B4GALNT2: variants seen among roughly 807,000 people sequenced by gnomAD.
The protein encoded by B4GALNT2 is beta-1,4-N-acetyl-galactosaminyltransferase 2 (SID blood group).
A neutral mutation model predicts 51.1 loss-of-function variants in B4GALNT2; 42 were observed. The observed-to-expected ratio is 0.82, with a 90% confidence interval of 0.64 to 1.06. The LOEUF is 1.06. Ranked by LOEUF, B4GALNT2 falls within the 50% of genes least tolerant of loss-of-function variation. B4GALNT2 has a pLI of 0.00. For missense variants in B4GALNT2, 602 were observed against 633.6 expected (o/e 0.95, Z 0.54); for synonymous variants, 253 against 251.7 (o/e 1.01, Z -0.05).
rs1294943736 is a variant in B4GALNT2 at position 49,169,984 on chromosome 17, T to G, written c.*256T>G. 2.7e-6 allele frequency: 1 copy of G among 369,440 alleles called. No homozygotes were observed. The highest frequency in any genetic ancestry group is 4.8e-6 in the Non-Finnish European group (1 of 206,192). The allele number at this position is 369,440 out of a possible 1,614,324, so 22.9% of individuals were successfully genotyped here. A position where few individuals can be genotyped will look rare whatever the true frequency, so the allele number is the denominator to read the frequency against. On this transcript the variant is annotated 3_prime_UTR_variant, in exon 11 of 11. Coordinates refer to ENST00000393354, the MANE Select transcript of B4GALNT2 (RefSeq NM_001159387.2). ...CAATGCCCTGCCTTTTTTGAAGCAT[T>G]TGCATGGGCAGTATCTCACATCATC...
chr17:49,154,713 T>A (rs149450516), intron 4 of B4GALNT2, among the ~76,000 whole-genome samples: 72 of 151,938 alleles, frequency 4.7e-4, no homozygotes, highest in African/African-American at 1.5e-3. Context: ...ACAGGTGAGA[T>A]GAGAATGACT....
At position 49,168,610 on chromosome 17, in the gene B4GALNT2, G is replaced by A. The variant is rs7218644; in HGVS notation, c.1096-71G>A. 2.7e-3 allele frequency: 3,826 copies of A among 1,401,394 alleles called. 77 individuals are homozygous for A. In the African/African-American group the frequency reaches 0.048, roughly 18 times the overall value. The allele number at this position is 1,401,394 out of a possible 1,614,324, so 86.8% of individuals were successfully genotyped here. A position where few individuals can be genotyped will look rare whatever the true frequency, so the allele number is the denominator to read the frequency against. On this transcript the variant is annotated intron_variant, in intron 9 of 10. Coordinates refer to ENST00000393354, the MANE Select transcript of B4GALNT2 (RefSeq NM_001159387.2). The stretch of plus-strand genomic sequence containing the variant: ...TGTTATAACCGAGGTGCAGTCCAGC[G>A]AGTCTTCCTGGAAGAGGCAGGATGA...
chr17:49,139,690 A>AT (rs975834875), intron 1 of B4GALNT2, among the ~76,000 whole-genome samples: 1 of 151,876 alleles, frequency 6.6e-6, no homozygotes, highest in Admixed American at 6.6e-5. Flanking sequence ...CTATTTTTCA[A>AT]TTTTTTGTAG....
rs546957088 is a variant in B4GALNT2, at chr17:49,141,634, AG to A, written c.215+188del. ...GTACGATCCAGTCTATGTTCTCTAT[AG>A]CATCCAGCAAAATCCCTTAAAACTT... On this transcript the variant is annotated intron_variant, in intron 2 of 10. Coordinates refer to ENST00000393354, the MANE Select transcript of B4GALNT2 (RefSeq NM_001159387.2). Among the ~76,000 whole-genome samples, 439 of 152,342 alleles carry A rather than the reference AG, an allele frequency of 2.9e-3. 3 individuals carry two copies. Among genetic ancestry groups the A allele is most frequent in the African/African-American group, 0.01 (420 of 41,584 alleles).
Position 49,156,583 on chromosome 17 carries a change from C to A in B4GALNT2, c.478C>A (p.Pro160Thr). 6.2e-7 allele frequency: 1 copy of A among 1,613,780 alleles called. No individual in the cohort carries two copies. Among genetic ancestry groups the A allele is most frequent in the East Asian group, 2.2e-5 (1 of 44,868 alleles). Residue 160 changes from proline (P) to threonine (T), a missense_variant, in exon 5 of 11, where the codon CCC (proline) becomes ACC (threonine). By Grantham distance (38) the Pro-to-Thr change is conservative. Coordinates refer to ENST00000393354, the MANE Select transcript of B4GALNT2 (RefSeq NM_001159387.2). ...VPIPGLQFEG[P>T]DAPVYEVTLT... ...TCCTCCAGGCCTCCAGTTTGAAGGA[C>A]CCGATGCCCCCGTCTATGAGGTGAG...
At chr17:49,152,745 G>C in intron 3 of B4GALNT2, 55 bp from the exon 4 acceptor site, 1 of 1,308,524 alleles carries the variant, frequency 7.6e-7, no homozygotes. Flanking sequence ...CTTTGAGAAC[G>C]AACCAGGGAC....
chr17:49,141,950 T>G, intron 2 of B4GALNT2, 85 bp from the exon 3 acceptor site: 1 of 1,539,728 alleles, frequency 6.5e-7, no homozygotes, highest in Admixed American at 1.7e-5. Flanking sequence ...CAGGGTAAAC[T>G]ACACACTGGA....
chr17:49,147,774 C>G (rs2042709227), intron 3 of B4GALNT2, among the ~76,000 whole-genome samples: 2 of 151,970 alleles, frequency 1.3e-5, no homozygotes, highest in African/African-American at 4.8e-5. Flanking sequence ...GCTAAGGAGT[C>G]TGCCATTATG....
chr17:49,153,509 T>TA (rs1167282012), intron 4 of B4GALNT2, among the ~76,000 whole-genome samples: 5 of 147,064 alleles, frequency 3.4e-5, no homozygotes, highest in African/African-American at 5.0e-5. Context: ...TTGATGTGAT[T>TA]TTTTTTTTTT....
upstream of B4GALNT2, chr17:49,132,681 C>T: frequency 6.2e-6 from 8 of 1,299,152 alleles, no homozygotes; most frequent in Non-Finnish European, 8.0e-6. Flanking sequence ...AAGCGTCCTG[C>T]ACCTGCCCTA....
chr17:49,165,458 C>G (rs1417652054), intron 8 of B4GALNT2, among the ~76,000 whole-genome samples: 1 of 113,620 alleles, frequency 8.8e-6, no homozygotes, highest in African/African-American at 3.5e-5. Context: ...ACTCCCCACT[C>G]TCTCTTTCTC....
At position 49,172,822 on chromosome 17, in the gene B4GALNT2, A is replaced by G. The variant is rs1279245532; in HGVS notation, c.*3094A>G. On this transcript the variant is annotated 3_prime_UTR_variant, in exon 11 of 11. Coordinates refer to ENST00000393354, the MANE Select transcript of B4GALNT2 (RefSeq NM_001159387.2). ...ATTGGCATGTAGCCCAGACAAAGTG[A>G]GAAAAGGTGTCCACACATACATGTA... 1 of 152,186 alleles carries G rather than the reference A, an allele frequency of 6.6e-6. No homozygotes were observed. The highest frequency in any genetic ancestry group is 1.5e-5 in the Non-Finnish European group (1 of 68,036). 9.4% of individuals were successfully genotyped at this position (152,186 alleles called of 1,614,324 possible).
At chr17:49,162,024 G>T (rs188304052) in intron 7 of B4GALNT2, among the ~76,000 whole-genome samples, 3 of 151,156 alleles carry the variant, frequency 2.0e-5, no homozygotes, top group African/African-American at 4.8e-5. Flanking sequence ...GTCTTGCTCT[G>T]TTGCCCAGGC....
At chr17:49,169,295 T>C (rs1031325050) in intron 10 of B4GALNT2, among the ~76,000 whole-genome samples, 3 of 152,168 alleles carry the variant, frequency 2.0e-5, no homozygotes, top group Non-Finnish European at 4.4e-5. Context: ...TCTGTGCCAC[T>C]CTGCCTCTGT....
At chr17:49,160,680 T>A in intron 7 of B4GALNT2, 39 bp downstream of exon 7, 1 of 1,553,500 alleles carries the variant, frequency 6.4e-7, no homozygotes, top group Non-Finnish European at 8.9e-7. Context: ...GTGGCAACCC[T>A]GTGAAGCTAT....
At chr17:49,165,937 G>A (rs2042907275) in intron 8 of B4GALNT2, among the ~76,000 whole-genome samples, 177 bp from the exon 9 acceptor site, 1 of 152,156 alleles carries the variant, frequency 6.6e-6, no homozygotes, top group Non-Finnish European at 1.5e-5. Context: ...CTGAGACATG[G>A]ACTTCCTTCA....
Position 49,135,537 on chromosome 17 carries a change from C to T in B4GALNT2, c.14+2731C>T, listed in dbSNP as rs539647261. On this transcript the variant is annotated intron_variant, in intron 1 of 10. Coordinates refer to ENST00000393354, the MANE Select transcript of B4GALNT2 (RefSeq NM_001159387.2). ...CCTCCCAAAGTGCTGGGATTACAGGCGTGAGCCACCGCGCCCGGCCCATCC... is the reference window on the plus strand; with the variant it reads ...CCTCCCAAAGTGCTGGGATTACAGGTGTGAGCCACCGCGCCCGGCCCATCC... Among the ~76,000 whole-genome samples, 22 of 151,828 alleles carry T rather than the reference C, an allele frequency of 1.4e-4. No homozygotes were observed. In the East Asian group the frequency reaches 4.3e-3, roughly 30 times the overall value.
At chr17:49,152,716 G>A in intron 3 of B4GALNT2, 84 bp from the exon 4 acceptor site, 1 of 944,224 alleles carries the variant, frequency 1.1e-6, no homozygotes. Flanking sequence ...TCAGGGCAAG[G>A]CTCTGTGCAC....
chr17:49,158,854 G>T (rs1440444388), intron 5 of B4GALNT2, among the ~76,000 whole-genome samples, 183 bp from the exon 6 acceptor site: 5 of 152,106 alleles, frequency 3.3e-5, no homozygotes, highest in African/African-American at 1.2e-4. Flanking sequence ...GGGGATTGGG[G>T]GCGGGGGCGC....
Sources: gnomAD v4.1 joint callset for allele counts (sites outside exome capture counted in the v4.1 genomes callset) on GRCh38, gnomAD v4.1.1 for gene constraint, MANE v1.5 for transcripts, NCBI Gene and HGNC (gene_info 2026-07-23, HGNC 2026-07-21) for gene names.